Variants in BRAF observed in about 807,000 individuals in gnomAD.
BRAF encodes the protein B-Raf proto-oncogene, serine/threonine kinase, also known as serine/threonine-protein kinase B-raf.
Under a neutral mutation model 104.6 loss-of-function variants are expected in BRAF, and 16 were observed. The ratio of observed to expected loss-of-function variants is 0.15; its 90% CI spans 0.10 to 0.23. The LOEUF (loss-of-function observed/expected upper bound fraction) is 0.23, where lower values mean the gene tolerates loss of function less well. Among genes scored for constraint, BRAF ranks in the 10% least tolerant of loss-of-function variants. BRAF has a pLI of 1.00. For missense variants in BRAF, 541 were observed against 937.3 expected (o/e 0.58, Z 5.52); for synonymous variants, 310 against 341.6 (o/e 0.91, Z 1.02).
Position 140,754,384 on chromosome 7 carries a change from A to C in BRAF, c.1815-151T>G, listed in dbSNP as rs564812610. On this transcript the variant is annotated intron_variant, in intron 14 of 19. Transcript: ENST00000644969. Reference sequence around the variant, plus strand: ...TAATAAACCCTTCACAGAATATTAAAATAGACTGTAAATGAATTTAAGATT... The same window carrying C: ...TAATAAACCCTTCACAGAATATTAACATAGACTGTAAATGAATTTAAGATT... 3.0e-5 allele frequency: 21 copies of C among 705,268 alleles called. No individual in the cohort carries two copies. The East Asian group carries it at 5.7e-4, about 19-fold the overall frequency. 43.7% of individuals were successfully genotyped at this position (705,268 alleles called of 1,614,324 possible). A position where few individuals can be genotyped will look rare whatever the true frequency, so the allele number is the denominator to read the frequency against.
At chr7:140,906,105 A>AAAAAAAAAAAAAAAAAG (rs1563029463) in intron 1 of BRAF, among the ~76,000 whole-genome samples, 3 of 150,270 alleles carry the variant, frequency 2.0e-5, no homozygotes, top group African/African-American at 7.4e-5. Flanking sequence ...AAAAAAAAAA[A>AAAAAAAAAAAAAAAAAG]AAAGAAATTA....
intron 1 of BRAF, among the ~76,000 whole-genome samples, chr7:140,913,468 G>GTT (rs1817228923): frequency 5.9e-5 from 5 of 85,168 alleles, no homozygotes; most frequent in Admixed American, 1.6e-4. Flanking sequence ...GTTAATCACA[G>GTT]CTTTTTTTTT....
intron 14 of BRAF, among the ~76,000 whole-genome samples, chr7:140,775,524 A>G (rs1800255147): frequency 6.6e-6 from 1 of 151,904 alleles, no homozygotes; most frequent in African/African-American, 2.4e-5. Context: ...TTTTTAGTAG[A>G]GACGGGGTTT....
chr7:140,774,492 T>C (rs1408238879), intron 14 of BRAF, among the ~76,000 whole-genome samples: 1 of 152,116 alleles, frequency 6.6e-6, no homozygotes, highest in Non-Finnish European at 1.5e-5. Context: ...TCCTAAAGTG[T>C]TGGGTTTACA....
intron 3 of BRAF, among the ~76,000 whole-genome samples, chr7:140,824,827 G>C (rs1334290780): frequency 6.6e-6 from 1 of 152,102 alleles, no homozygotes; most frequent in East Asian, 1.9e-4. Context: ...GCCATTCTAG[G>C]AGGCATGTAA....
At chr7:140,843,600 T>C in intron 2 of BRAF, among the ~76,000 whole-genome samples, 1 of 152,254 alleles carries the variant, frequency 6.6e-6, no homozygotes, top group East Asian at 1.9e-4. Flanking sequence ...TTTACTCTGC[T>C]TTCTAGAACA....
intron 14 of BRAF, among the ~76,000 whole-genome samples, chr7:140,773,694 C>T (rs1586108534): frequency 6.6e-6 from 1 of 152,170 alleles, no homozygotes; most frequent in African/African-American, 2.4e-5. Flanking sequence ...TTCAAACAGG[C>T]CTTTCATTTT....
In BRAF at chr7:140,829,034, C is replaced by T. The variant is rs531611471; in HGVS notation, c.504+5575G>A. On this transcript the variant is annotated intron_variant, in intron 3 of 19. Coordinates refer to ENST00000644969, the MANE Select transcript of BRAF (RefSeq NM_001374258.1). ...TTTGGATTTCATCTTATACGAACTG[C>T]CTATTTATATCTTTTCCCTATTTTT... is the stretch of plus-strand genomic sequence containing the variant. Among the ~76,000 whole-genome samples, 3 of 152,066 alleles carry T rather than the reference C, an allele frequency of 2.0e-5. No individual in the cohort carries two copies. The South Asian group carries it at 6.2e-4, about 32-fold the overall frequency.
At chr7:140,793,395 A>G (rs1295977901) in intron 8 of BRAF, among the ~76,000 whole-genome samples, 5 of 152,158 alleles carry the variant, frequency 3.3e-5, no homozygotes, top group African/African-American at 1.2e-4. Flanking sequence ...AGTACTAGAA[A>G]AAAGTCACTT....
At chr7:140,894,549 A>G (rs1379118873) in intron 1 of BRAF, among the ~76,000 whole-genome samples, 1 of 152,166 alleles carries the variant, frequency 6.6e-6, no homozygotes, top group African/African-American at 2.4e-5. Context: ...TACCTTTATT[A>G]GCAAGGAGTT....
intron 5 of BRAF, among the ~76,000 whole-genome samples, chr7:140,803,613 G>A (rs1803353283): frequency 6.6e-6 from 1 of 152,048 alleles, no homozygotes; most frequent in Non-Finnish European, 1.5e-5. Context: ...GGATTAGAAT[G>A]TTTGGGCCAC....
At chr7:140,871,909 A>G (rs1163795142) in intron 1 of BRAF, among the ~76,000 whole-genome samples, 1 of 152,096 alleles carries the variant, frequency 6.6e-6, no homozygotes, top group East Asian at 1.9e-4. Flanking sequence ...CTCACTAAAG[A>G]AAACAAAAAT....
chr7:140,795,178 A>G (rs1464424721), intron 7 of BRAF, among the ~76,000 whole-genome samples: 2 of 152,218 alleles, frequency 1.3e-5, no homozygotes, highest in Non-Finnish European at 2.9e-5. Flanking sequence ...AAATCACCAA[A>G]ATATGTTACA....
intron 1 of BRAF, among the ~76,000 whole-genome samples, chr7:140,869,185 T>C (rs1811293870): frequency 6.6e-6 from 1 of 152,206 alleles, no homozygotes. Flanking sequence ...TATACAAATC[T>C]GAAATCAAGT....
intron 1 of BRAF, among the ~76,000 whole-genome samples, chr7:140,894,133 C>CA (rs1171882560): frequency 2.7e-5 from 4 of 150,370 alleles, no homozygotes; most frequent in Admixed American, 1.3e-4. Context: ...GACCCTGTCT[C>CA]AAAAAAAAGA....
chr7:140,920,431 A>G (rs1818092458), intron 1 of BRAF, among the ~76,000 whole-genome samples: 1 of 152,236 alleles, frequency 6.6e-6, no homozygotes, highest in African/African-American at 2.4e-5. Context: ...TCTCTTCCCC[A>G]TCACTCATGG....
Position 140,919,263 on chromosome 7 carries a change from G to A in BRAF, c.138+5303C>T, listed in dbSNP as rs564115564. Among the ~76,000 whole-genome samples the A allele has an allele frequency of 2.6e-5, 4 of 152,174 alleles. No individual in the cohort carries two copies. In the South Asian group the frequency reaches 8.3e-4, roughly 32 times the overall value. On this transcript the variant is annotated intron_variant, in intron 1 of 19. Transcript: ENST00000644969. ...CCCACAGTACATTTGTCCCAAACGT[G>A]CTGTCAGGAACTGCAGCTACATTAC... is the stretch of plus-strand genomic sequence containing the variant.
intron 1 of BRAF, among the ~76,000 whole-genome samples, chr7:140,875,018 C>T (rs1343241833): frequency 6.6e-6 from 1 of 152,106 alleles, no homozygotes; most frequent in Non-Finnish European, 1.5e-5. Context: ...CTGAGGCCTC[C>T]CCAGAAGCAG....
chr7:140,839,339 T>C (rs1476934595), intron 2 of BRAF, among the ~76,000 whole-genome samples: 1 of 152,172 alleles, frequency 6.6e-6, no homozygotes, highest in African/African-American at 2.4e-5. Context: ...ATGGGTCACA[T>C]ATCTATTATA....
Sources: allele counts gnomAD v4.1 joint callset (sites outside exome capture counted in the v4.1 genomes callset), GRCh38; gene constraint gnomAD v4.1.1; transcripts MANE v1.5; gene names NCBI Gene and HGNC (gene_info 2026-07-23, HGNC 2026-07-21).